PLCZ1: variants seen among roughly 807,000 people sequenced by gnomAD.
PLCZ1 encodes the protein 1-phosphatidylinositol 4,5-bisphosphate phosphodiesterase zeta-1.
A neutral mutation model predicts 76.8 loss-of-function variants in PLCZ1; 64 were observed. That is an observed-to-expected ratio of 0.83 (90% CI 0.68 to 1.03). The LOEUF (loss-of-function observed/expected upper bound fraction) is 1.03. Ranked by LOEUF, PLCZ1 falls within the 50% of genes least tolerant of loss-of-function variation. PLCZ1 has a pLI of 0.00. For synonymous variants in PLCZ1, 248 were observed against 230.8 expected, an observed-to-expected ratio of 1.07 and a Z score of -0.68; for missense variants, 751 against 713.7, an observed-to-expected ratio of 1.05 and a Z score of -0.60.
intron 4 of PLCZ1, among the ~76,000 whole-genome samples, 172 bp from the exon 5 acceptor site, chr12:18,719,804 A>G (rs932627157): frequency 7.9e-5 from 12 of 152,100 alleles, no homozygotes; most frequent in African/African-American, 2.9e-4. Context: ...TTTTGTAGTA[A>G]AACCTTCAGT....
the PLCZ1 span, among the ~76,000 whole-genome samples, chr12:18,675,815 A>G: frequency 1.3e-5 from 2 of 151,994 alleles, no homozygotes; most frequent in Non-Finnish European, 2.9e-5. Flanking sequence ...GGAGCTAACA[A>G]TAAGTACAAA....
chr12:18,695,397 G>A (rs184984026), intron 11 of PLCZ1, among the ~76,000 whole-genome samples: 2 of 152,266 alleles, frequency 1.3e-5, no homozygotes, highest in Admixed American at 6.5e-5. Context: ...TCAGAATAAA[G>A]AGTATCAGTG....
chr12:18,720,234 C>T (rs1958358913), intron 4 of PLCZ1, among the ~76,000 whole-genome samples: 1 of 152,030 alleles, frequency 6.6e-6, no homozygotes, highest in African/African-American at 2.4e-5. Flanking sequence ...CATTGTATGA[C>T]TATGCCACAA....
At chr12:18,650,333 A>C in the PLCZ1 span, among the ~76,000 whole-genome samples, 98 of 119,032 alleles carry the variant, frequency 8.2e-4, no homozygotes, top group East Asian at 1.6e-3. Context: ...CTCTCTCTCT[A>C]TATATATATA....
chr12:18,691,306 G>T (rs890499225), intron 12 of PLCZ1, among the ~76,000 whole-genome samples: 1 of 152,094 alleles, frequency 6.6e-6, no homozygotes, highest in African/African-American at 2.4e-5. Flanking sequence ...GGATGTTCAA[G>T]TTTTACTATT....
the PLCZ1 span, among the ~76,000 whole-genome samples, chr12:18,653,034 C>A: frequency 6.6e-6 from 1 of 152,102 alleles, no homozygotes; most frequent in Non-Finnish European, 1.5e-5. Flanking sequence ...CCCTACCTAT[C>A]ACTCTCATCC....
At chr12:18,653,242 G>A in the PLCZ1 span, among the ~76,000 whole-genome samples, 2 of 152,204 alleles carry the variant, frequency 1.3e-5, no homozygotes, top group East Asian at 1.9e-4. Flanking sequence ...GGATTATTGA[G>A]AAGCCATCAT....
intron 7 of PLCZ1, among the ~76,000 whole-genome samples, chr12:18,704,575 C>T (rs2137304486): frequency 6.6e-6 from 1 of 152,190 alleles, no homozygotes; most frequent in Admixed American, 6.5e-5. Flanking sequence ...GATCCGCCCT[C>T]CTCAGCCTCC....
rs573181026 is a variant in PLCZ1 at position 18,736,200 on chromosome 12, A to AGGG, written c.135+18_135+20dup. On this transcript the variant is annotated intron_variant, in intron 3 of 14. Coordinates refer to ENST00000266505, the MANE Select transcript of PLCZ1 (RefSeq NM_033123.4). Reference sequence around the variant, plus strand: ...AAGTTCCACCTAGGATAGGATAGGCAGGGGGTGGATGTCATCTTACCTTAA... The same window carrying AGGG: ...AAGTTCCACCTAGGATAGGATAGGCAGGGGGGGGTGGATGTCATCTTACCTTAA... 1.3e-4 allele frequency: 205 copies of AGGG among 1,610,124 alleles called. 1 individual carries two copies. In the African/African-American group the frequency reaches 1.9e-3, roughly 15 times the overall value.
chr12:18,695,136 C>T (rs1954777073), intron 11 of PLCZ1, 57 bp from the exon 12 acceptor site: 1 of 1,505,746 alleles, frequency 6.6e-7, no homozygotes, highest in Non-Finnish European at 9.2e-7. Context: ...AATAAAGGAA[C>T]ACAAACCACT....
At chr12:18,737,800 G>T in intron 1 of PLCZ1, 132 bp downstream of exon 1, 1 of 311,898 alleles carries the variant, frequency 3.2e-6, no homozygotes, top group Non-Finnish European at 6.1e-6. Flanking sequence ...AGTGGGTTTG[G>T]GCAGCTACTC....
chr12:18,674,038 TGA>T, the PLCZ1 span, among the ~76,000 whole-genome samples: 1 of 152,182 alleles, frequency 6.6e-6, no homozygotes, highest in Non-Finnish European at 1.5e-5. Flanking sequence ...CACAAAGCTG[TGA>T]GTATCAGGAA....
intron 3 of PLCZ1, among the ~76,000 whole-genome samples, chr12:18,733,654 G>C (rs971815342): frequency 1.3e-5 from 2 of 152,070 alleles, no homozygotes; most frequent in Non-Finnish European, 2.9e-5. Context: ...ATGGGGTAAG[G>C]TTAGAGTCCA....
chr12:18,699,745 G>T (rs757092030), intron 10 of PLCZ1, 49 bp downstream of exon 10: 1 of 1,535,484 alleles, frequency 6.5e-7, no homozygotes, highest in Non-Finnish European at 9.0e-7. Context: ...CCCTAGCAGT[G>T]AATCTAACTC....
At chr12:18,681,002 G>A (rs554866300), downstream of PLCZ1, among the ~76,000 whole-genome samples, 57 of 152,108 alleles carry the variant, frequency 3.7e-4, no homozygotes, top group Middle Eastern at 0.01. Context: ...GCATTGTTGC[G>A]TTTGGACGAT....
At chr12:18,648,576 T>C in the PLCZ1 span, among the ~76,000 whole-genome samples, 1 of 152,176 alleles carries the variant, frequency 6.6e-6, no homozygotes, top group African/African-American at 2.4e-5. Flanking sequence ...TTACATTCAA[T>C]TGTTGGAAGA....
chr12:18,689,773 A>G (rs1194277329), intron 12 of PLCZ1, among the ~76,000 whole-genome samples: 1 of 152,188 alleles, frequency 6.6e-6, no homozygotes, highest in Non-Finnish European at 1.5e-5. Flanking sequence ...CTCAGATTGC[A>G]GGTGACGAAG....
chr12:18,707,902 A>G (rs1385847017), intron 6 of PLCZ1, among the ~76,000 whole-genome samples: 2 of 152,162 alleles, frequency 1.3e-5, no homozygotes, highest in Non-Finnish European at 2.9e-5. Flanking sequence ...TACTTAAGGT[A>G]TACAACATGA....
chr12:18,698,861 C>T (rs1435994350), intron 10 of PLCZ1, among the ~76,000 whole-genome samples: 1 of 151,966 alleles, frequency 6.6e-6, no homozygotes, highest in Non-Finnish European at 1.5e-5. Context: ...CTATCAAATA[C>T]TATGTCTTAT....
Sources: allele counts gnomAD v4.1 joint callset (sites outside exome capture counted in the v4.1 genomes callset), GRCh38; gene constraint gnomAD v4.1.1; transcripts MANE v1.5; gene names NCBI Gene and HGNC (gene_info 2026-07-23, HGNC 2026-07-21).